The following MRPL43 variants were observed in gnomAD, a reference collection of about 807,000 sequenced individuals.
MRPL43 encodes mitochondrial ribosomal protein L43, also known as large ribosomal subunit protein mL43.
In MRPL43, 9 loss-of-function variants were observed where a neutral mutation model predicts 12.7. The ratio of observed to expected loss-of-function variants is 0.71; its 90% CI spans 0.43 to 1.24. The LOEUF (loss-of-function observed/expected upper bound fraction) is 1.24, where lower values mean the gene tolerates loss of function less well. Among genes scored for constraint, MRPL43 ranks in the 50% most tolerant of loss-of-function variants. The pLI, the probability that MRPL43 is intolerant of heterozygous loss-of-function variation, is 0.00. For missense variants in MRPL43, 211 were observed against 229.2 expected (o/e 0.92, Z 0.51); for synonymous variants, 116 against 96.4 (o/e 1.20, Z -1.19).
chr10:100,984,888 GT>G (rs1564801613), downstream of MRPL43: 1 of 1,468,828 alleles, frequency 6.8e-7, no homozygotes, highest in Admixed American at 2.2e-5. Context: ...ATTCTCAAGA[GT>G]ATGAGAGACA....
At chr10:100,984,217 C>T, downstream of MRPL43, 2 of 1,500,418 alleles carry the variant, frequency 1.3e-6, no homozygotes, top group Non-Finnish European at 8.8e-7. Context: ...GCCACCCTCC[C>T]TTCATTACCC....
chr10:100,980,734 T>C (rs377453849), downstream of MRPL43: 84 of 1,607,950 alleles, frequency 5.2e-5, no homozygotes, highest in Admixed American at 8.3e-5. Flanking sequence ...CTTGCTGAAA[T>C]AGGAAGAGGG....
downstream of MRPL43, chr10:100,981,409 A>G (rs914149330): frequency 6.2e-7 from 1 of 1,613,572 alleles, no homozygotes; most frequent in African/African-American, 1.3e-5. Context: ...GCCCAAATGA[A>G]TTATAAACTA....
At chr10:100,981,644 C>T, downstream of MRPL43, 1 of 1,395,974 alleles carries the variant, frequency 7.2e-7, no homozygotes, top group Non-Finnish European at 1.0e-6. Context: ...ATGTCATCTA[C>T]TGTCACAGCA....
chr10:100,985,094 T>C, downstream of MRPL43: 1 of 563,292 alleles, frequency 1.8e-6, no homozygotes, highest in Non-Finnish European at 3.0e-6. Flanking sequence ...TTGCCTAGGA[T>C]GGATGACCAA....
At position 100,987,301 on chromosome 10, in the gene MRPL43, C is replaced by T; in HGVS notation, c.131+12G>A. On this transcript the variant is annotated intron_variant, in intron 1 of 2. Coordinates refer to ENST00000318364, the MANE Select transcript of MRPL43 (RefSeq NM_032112.3). The stretch of plus-strand genomic sequence containing the variant: ...CACCCCGACCCGCGCCTGCGCACTT[C>T]CCTTGGCTCACCTGGCGCCGCGAGA... The T allele has an allele frequency of 6.2e-7, 1 of 1,612,180 alleles. No homozygotes were observed.
chr10:100,980,114 C>T, downstream of MRPL43: 1 of 1,614,098 alleles, frequency 6.2e-7, no homozygotes, highest in East Asian at 2.2e-5. Context: ...CTTCGTCCCC[C>T]ACGCCAGTGT....
chr10:100,986,817 A>C lies in MRPL43; in HGVS notation c.397T>G (p.Phe133Val). ...CGGAACGTGGTCGGCTTGTTGGTGA[A>C]GGGGTGCCACTGGCCCTGGATGCTA... is the stretch of plus-strand genomic sequence containing the variant. ...NPSIQGQWHP[F>V]TNKPTTFRGL... The change falls in exon 3 of 3, where the codon TTC becomes GTC. Residue 133 changes from phenylalanine to valine, a missense_variant. Transcript: ENST00000318364. The C allele has an allele frequency of 6.2e-7, 1 of 1,613,866 alleles. No homozygotes were observed. The highest frequency in any genetic ancestry group is 1.1e-5 in the South Asian group (1 of 91,058).
chr10:100,984,801 G>A, downstream of MRPL43: 2 of 1,535,216 alleles, frequency 1.3e-6, no homozygotes, highest in Non-Finnish European at 1.7e-6. Flanking sequence ...CCAGCCTGGG[G>A]AGGTAAGACT....
At position 100,987,189 on chromosome 10, in the gene MRPL43, C is replaced by A; in HGVS notation, c.139G>T (p.Val47Leu). The A allele has an allele frequency of 6.2e-7, 1 of 1,613,912 alleles. No homozygotes were observed. The highest frequency in any genetic ancestry group is 2.2e-5 in the East Asian group (1 of 44,884). The change falls in exon 2 of 3, where the codon GTG becomes TTG. Residue 47 changes from valine to leucine, a missense_variant. By Grantham distance (32) the Val-to-Leu change is conservative (BLOSUM62 1). Coordinates refer to ENST00000318364, the MANE Select transcript of MRPL43 (RefSeq NM_032112.3). ...GCGAAGTCGATCACCTCCCGCTCCACGAACTCCCTAAGCGACCCGGGACAG... is the reference window on the plus strand; with the variant it reads ...GCGAAGTCGATCACCTCCCGCTCCAAGAACTCCCTAAGCGACCCGGGACAG... ...GASSRGAREFVEREVIDFARR... is the reference protein window; with the variant it reads ...GASSRGAREFLEREVIDFARR...
In MRPL43 at chr10:100,987,465, G is replaced by C. The variant is rs749402242; in HGVS notation, c.-22C>G. On this transcript the variant is annotated 5_prime_UTR_variant, in exon 1 of 3. Coordinates refer to ENST00000318364, the MANE Select transcript of MRPL43 (RefSeq NM_032112.3). ...TCATAGCTACAGCTTGGAGGCCGCG[G>C]AGCCTAAGCAGCGAGGAGAGGGGGG... 5.6e-6 allele frequency: 9 copies of C among 1,609,822 alleles called. No individual in the cohort carries two copies. Among genetic ancestry groups the C allele is most frequent in the East Asian group, 2.2e-5 (1 of 44,826 alleles).
chr10:100,984,166 A>G, downstream of MRPL43: 1 of 1,574,760 alleles, frequency 6.4e-7, no homozygotes, highest in Non-Finnish European at 8.6e-7. Context: ...CTTCCAAGCC[A>G]GCCTATCTGT....
chr10:100,980,714 T>C (rs1410114493), downstream of MRPL43: 37 of 1,609,472 alleles, frequency 2.3e-5, no homozygotes, highest in Non-Finnish European at 3.1e-5. Context: ...TCTGTGACCC[T>C]TAATATAGCC....
downstream of MRPL43, chr10:100,979,920 T>A (rs770163597): frequency 7.4e-6 from 12 of 1,614,096 alleles, no homozygotes; most frequent in Non-Finnish European, 1.0e-5. Flanking sequence ...CAGGACCCTA[T>A]ATGGAATACC....
At chr10:100,978,684 TTC>T, downstream of MRPL43, 2 of 1,587,340 alleles carry the variant, frequency 1.3e-6, no homozygotes, top group Non-Finnish European at 1.7e-6. Context: ...AGGGGACTAT[TTC>T]TTCATTTTTA....
chr10:100,980,994 G>A, downstream of MRPL43: 2 of 1,596,338 alleles, frequency 1.3e-6, no homozygotes, highest in South Asian at 1.1e-5. Flanking sequence ...TCCCAGGGAA[G>A]CAGGTGGGAA....
At chr10:100,979,979 C>A, downstream of MRPL43, 1 of 1,614,078 alleles carries the variant, frequency 6.2e-7, no homozygotes, top group Non-Finnish European at 8.5e-7. Flanking sequence ...GTGCCTGAGC[C>A]CCGGCCTGGC....
At chr10:100,984,636 G>A (rs562213978), downstream of MRPL43, 1 of 1,536,160 alleles carries the variant, frequency 6.5e-7, no homozygotes, top group Non-Finnish European at 8.7e-7. Flanking sequence ...ATGTTTATCG[G>A]CTGGGCTGCA....
chr10:100,987,106 T>C lies in MRPL43; in HGVS notation c.222A>G (p.Arg74=), dbSNP rs767414295. Residue 74 remains arginine (R), a synonymous_variant, in exon 2 of 3, where the codon AGA becomes AGG. Coordinates refer to ENST00000318364, the MANE Select transcript of MRPL43 (RefSeq NM_032112.3). ...CCCACTCACGGTATTCGGCCACTAC[T>C]CTGGGCACGCAGCACGGACGCGAGT... ...YVNSRPCCVP[R]VVAEYLNGAV... is the part of the protein sequence containing the mutation. 1 of 1,613,658 alleles carries C rather than the reference T, an allele frequency of 6.2e-7. No homozygotes were observed. Among genetic ancestry groups the C allele is most frequent in the Non-Finnish European group, 8.5e-7 (1 of 1,180,020 alleles).
Sources: allele counts gnomAD v4.1 joint callset, GRCh38; gene constraint gnomAD v4.1.1; transcripts MANE v1.5; gene names NCBI Gene and HGNC (gene_info 2026-07-23, HGNC 2026-07-21).